Variants in LIPC observed in about 807,000 individuals in gnomAD.
The protein encoded by LIPC is lipase C, hepatic type.
A neutral mutation model predicts 50.7 loss-of-function variants in LIPC; 44 were observed. The observed-to-expected ratio is 0.87, with a 90% CI of 0.68 to 1.11. LIPC has a LOEUF of 1.11. Among genes scored for constraint, LIPC ranks in the 50% most tolerant of loss-of-function variants. The pLI, the probability that LIPC is intolerant of heterozygous loss-of-function variation, is 0.00. For synonymous variants in LIPC, 271 were observed against 256.4 expected (o/e 1.06, Z -0.54); for missense variants, 697 against 648.2 (o/e 1.08, Z -0.82).
chr15:58,436,174 C>T (rs1424150648), intron 1 of LIPC: 1 of 153,280 alleles, frequency 6.5e-6, no homozygotes, highest in African/African-American at 2.4e-5. Flanking sequence ...AGTAAGTGTG[C>T]GATGGTTCAG....
intron 1 of LIPC, among the ~76,000 whole-genome samples, chr15:58,470,875 A>G (rs1036775281): frequency 9.2e-5 from 14 of 152,030 alleles, no homozygotes; most frequent in African/African-American, 3.4e-4. Flanking sequence ...TTTGCCAAAC[A>G]CCTTGAAAGT....
At chr15:58,503,749 G>C (rs545180216) in intron 1 of LIPC, among the ~76,000 whole-genome samples, 5 of 152,338 alleles carry the variant, frequency 3.3e-5, no homozygotes, top group South Asian at 4.1e-4. Flanking sequence ...GCCAGAGACA[G>C]GGCACAGAGC....
In LIPC at chr15:58,528,369, A is replaced by C. The variant is rs530926157; in HGVS notation, c.89-9964A>C. 5.9e-5 allele frequency among the ~76,000 whole-genome samples: 9 copies of C among 152,318 alleles called. No individual in the cohort carries two copies. In the South Asian group the frequency reaches 1.0e-3, roughly 18 times the overall value. ...TCTCAGGGGCACATATCTGTCACTCATAATAATCCTATAAGGTAGGTACTA... is the reference window on the plus strand; with the variant it reads ...TCTCAGGGGCACATATCTGTCACTCCTAATAATCCTATAAGGTAGGTACTA... On this transcript the variant is annotated intron_variant, in intron 1 of 8. Coordinates refer to ENST00000299022, the MANE Select transcript of LIPC (RefSeq NM_000236.3).
intron 1 of LIPC, among the ~76,000 whole-genome samples, chr15:58,448,818 G>C (rs1266141920): frequency 6.6e-6 from 1 of 152,274 alleles, no homozygotes; most frequent in Non-Finnish European, 1.5e-5. Flanking sequence ...ACTCAGCAGA[G>C]TGGCAAGTAG....
intron 8 of LIPC, chr15:58,566,402 T>C: frequency 1.0e-6 from 1 of 985,242 alleles, no homozygotes; most frequent in South Asian, 4.7e-5. Flanking sequence ...CCTCAAACAA[T>C]AACTTCACTC....
intron 1 of LIPC, among the ~76,000 whole-genome samples, chr15:58,520,878 T>A (rs1449659894): frequency 6.6e-6 from 1 of 152,158 alleles, no homozygotes; most frequent in Non-Finnish European, 1.5e-5. Context: ...AGGCAATTTT[T>A]AAAGACTGAG....
intron 1 of LIPC, among the ~76,000 whole-genome samples, chr15:58,451,082 A>G (rs1893883462): frequency 6.6e-6 from 1 of 152,110 alleles, no homozygotes; most frequent in African/African-American, 2.4e-5. Flanking sequence ...TCCCCATCAA[A>G]GCCTAGTGGA....
intron 1 of LIPC, among the ~76,000 whole-genome samples, chr15:58,462,754 C>G (rs908861421): frequency 1.3e-5 from 2 of 152,152 alleles, no homozygotes; most frequent in Non-Finnish European, 2.9e-5. Context: ...GAGGCCACTC[C>G]AGGCAATCCT....
chr15:58,500,479 CTGAA>C (rs1296287149), intron 1 of LIPC, among the ~76,000 whole-genome samples: 1 of 152,204 alleles, frequency 6.6e-6, no homozygotes, highest in African/African-American at 2.4e-5. Context: ...CAGCACAAAA[CTGAA>C]TGAGGCTGTC....
chr15:58,437,395 A>T (rs1397603353), intron 1 of LIPC, among the ~76,000 whole-genome samples: 1 of 152,190 alleles, frequency 6.6e-6, no homozygotes, highest in African/African-American at 2.4e-5. Flanking sequence ...GGGAAAAAAA[A>T]ACAGGACTAA....
intron 1 of LIPC, among the ~76,000 whole-genome samples, chr15:58,512,184 C>T (rs1400604952): frequency 7.9e-5 from 12 of 151,798 alleles, no homozygotes; most frequent in African/African-American, 2.7e-4. Flanking sequence ...CTGCAACCTC[C>T]TTCTCCCAGG....
chr15:58,515,596 G>T (rs1268437959), intron 1 of LIPC, among the ~76,000 whole-genome samples: 2 of 150,878 alleles, frequency 1.3e-5, no homozygotes, highest in Non-Finnish European at 2.9e-5. Context: ...AACAAAAAGG[G>T]CCTTTGGAGA....
chr15:58,521,565 G>A (rs1195940201), intron 1 of LIPC: 2 of 152,414 alleles, frequency 1.3e-5, no homozygotes, highest in African/African-American at 2.4e-5. Flanking sequence ...CTGGAGCCGC[G>A]TGTCGCAGGA....
At chr15:58,467,220 G>T (rs1441851395) in intron 1 of LIPC, among the ~76,000 whole-genome samples, 3 of 152,106 alleles carry the variant, frequency 2.0e-5, no homozygotes, top group Non-Finnish European at 4.4e-5. Context: ...AGCTGAAATG[G>T]ACTTCCGTGA....
intron 1 of LIPC, among the ~76,000 whole-genome samples, chr15:58,501,154 C>G (rs1363870861): frequency 1.3e-5 from 2 of 152,050 alleles, no homozygotes; most frequent in African/African-American, 4.8e-5. Flanking sequence ...GCACCCTTTC[C>G]TCTGCGTCTC....
chr15:58,543,030 G>C (rs1356424708), intron 4 of LIPC, among the ~76,000 whole-genome samples: 3 of 152,166 alleles, frequency 2.0e-5, no homozygotes, highest in African/African-American at 7.2e-5. Flanking sequence ...TAATTCATCA[G>C]CCACGTTAGT....
At chr15:58,541,524 A>G (rs912982004) in intron 2 of LIPC, among the ~76,000 whole-genome samples, 2 of 152,010 alleles carry the variant, frequency 1.3e-5, no homozygotes, top group Non-Finnish European at 2.9e-5. Context: ...ATCTGGAGAC[A>G]TTTTTGGTTT....
chr15:58,507,731 A>G (rs1419338462), intron 1 of LIPC, among the ~76,000 whole-genome samples: 3 of 152,214 alleles, frequency 2.0e-5, no homozygotes, highest in African/African-American at 7.2e-5. Flanking sequence ...CTGAAAGCTC[A>G]CTGAAAACTC....
At chr15:58,473,752 G>T (rs1335558771) in intron 1 of LIPC, 1 of 152,294 alleles carries the variant, frequency 6.6e-6, no homozygotes. Context: ...CTTGTCCAAG[G>T]TTACACAGCT....
Sources: gnomAD v4.1 joint callset for allele counts (sites outside exome capture counted in the v4.1 genomes callset) on GRCh38, gnomAD v4.1.1 for gene constraint, MANE v1.5 for transcripts, NCBI Gene and HGNC (gene_info 2026-07-23, HGNC 2026-07-21) for gene names.